UPRT: variants seen among roughly 807,000 people sequenced by gnomAD.
UPRT encodes RP11-311P8.3.
Under a neutral mutation model 22.6 loss-of-function variants are expected in UPRT, and 5 were observed. The observed-to-expected ratio is 0.22, with a 90% CI of 0.12 to 0.47. UPRT has a LOEUF of 0.47. Among genes scored for constraint, UPRT ranks in the 20% least tolerant of loss-of-function variants. The pLI is 0.99. For synonymous variants in UPRT, 77 were observed against 87.7 expected (o/e 0.88, Z 0.68); for missense variants, 181 against 239.9 (o/e 0.75, Z 1.62).
At chrX:75,300,812 C>A in intron 5 of UPRT, 55 bp from the exon 6 acceptor site, 2 of 986,357 alleles carry the variant, frequency 2.0e-6, no homozygotes, top group Non-Finnish European at 2.8e-6. Flanking sequence ...AGAAAAAAGA[C>A]ATTTAAAAAT....
At chrX:75,237,287 AG>A (rs2082469951) in intron 4 of UPRT, among the ~76,000 whole-genome samples, 1 of 112,031 alleles carries the variant, frequency 8.9e-6, no homozygotes. Flanking sequence ...ATCATTAAAA[AG>A]TCAGGAAACA....
At chrX:75,267,240 G>T (rs1204584292) in intron 4 of UPRT, among the ~76,000 whole-genome samples, 1 of 111,361 alleles carries the variant, frequency 9.0e-6, no homozygotes, top group African/African-American at 3.3e-5. Context: ...CATATTCTAT[G>T]CAGCCATAAA....
chrX:75,271,136 T>C (rs2082606872), upstream of UPRT, among the ~76,000 whole-genome samples: 1 of 111,748 alleles, frequency 8.9e-6, no homozygotes, highest in African/African-American at 3.2e-5. Context: ...AAAATACTAA[T>C]ATCATTCTTC....
chrX:75,194,524 A>T (rs1024840205), intron 4 of UPRT, among the ~76,000 whole-genome samples: 1 of 111,113 alleles, frequency 9.0e-6, no homozygotes, highest in Non-Finnish European at 1.9e-5. Context: ...GCCATCCTCC[A>T]TGAAGGTGTT....
chrX:75,236,975 G>A (rs1350932598), intron 4 of UPRT, among the ~76,000 whole-genome samples: 2 of 112,200 alleles, frequency 1.8e-5, no homozygotes, highest in Non-Finnish European at 3.8e-5. Context: ...AAGAGCTTCT[G>A]CACAGCAAAA....
At chrX:75,262,171 A>G (rs1480816973) in intron 4 of UPRT, among the ~76,000 whole-genome samples, 2 of 111,615 alleles carry the variant, frequency 1.8e-5, no homozygotes, top group South Asian at 3.7e-4. Flanking sequence ...AGAATTTCAT[A>G]TCCAGCCAAA....
At chrX:75,193,818 T>C (rs537311160) in intron 4 of UPRT, among the ~76,000 whole-genome samples, 4 of 111,728 alleles carry the variant, frequency 3.6e-5, no homozygotes, top group East Asian at 5.7e-4. Flanking sequence ...GTGAGGTTCT[T>C]TCTTATAATT....
chrX:75,173,641 A>G (rs1236051209), intron 4 of UPRT, among the ~76,000 whole-genome samples: 1 of 112,450 alleles, frequency 8.9e-6, no homozygotes, highest in Non-Finnish European at 1.9e-5. Flanking sequence ...GGTGCCATGG[A>G]GCAGGGGGAA....
At chrX:75,245,506 G>T (rs1602470937) in intron 4 of UPRT, among the ~76,000 whole-genome samples, 1 of 110,742 alleles carries the variant, frequency 9.0e-6, no homozygotes, top group South Asian at 3.8e-4. Context: ...GTTCACTGCA[G>T]CACTATTCAC....
chrX:75,297,891 G>A (rs897070323), intron 4 of UPRT: 8 of 195,893 alleles, frequency 4.1e-5, no homozygotes, highest in Non-Finnish European at 6.5e-5. Context: ...GTATAAATTC[G>A]GGCTTGGAGA....
intron 4 of UPRT, among the ~76,000 whole-genome samples, chrX:75,233,954 G>A (rs1247547688): frequency 4.5e-5 from 5 of 110,693 alleles, no homozygotes; most frequent in Non-Finnish European, 9.4e-5. Flanking sequence ...TTAAATGTAA[G>A]TGGACTAAAT....
At chrX:75,164,091 C>T (rs778900941) in intron 3 of UPRT, among the ~76,000 whole-genome samples, 8 of 111,187 alleles carry the variant, frequency 7.2e-5, no homozygotes, top group Admixed American at 2.9e-4. Flanking sequence ...GCAGGAGAAT[C>T]GCTTGAACTC....
intron 4 of UPRT, among the ~76,000 whole-genome samples, chrX:75,179,586 G>A (rs937448870): frequency 1.8e-5 from 2 of 113,173 alleles, no homozygotes; most frequent in African/African-American, 6.4e-5. Flanking sequence ...TCGTCGGGGA[G>A]GCTCGGGCCG....
intron 4 of UPRT, among the ~76,000 whole-genome samples, chrX:75,238,287 G>A (rs1460373199): frequency 9.0e-6 from 1 of 111,067 alleles, no homozygotes; most frequent in Non-Finnish European, 1.9e-5. Flanking sequence ...GGTAGAAAAA[G>A]ATATTCCATA....
Position 75,205,823 on chromosome X carries a change from A to G in UPRT, c.-447+37944A>G, listed in dbSNP as rs752380614. On this transcript the variant is annotated intron_variant, in intron 4 of 13. Coordinates refer to the UPRT transcript ENST00000652605. ...GAGTGAGGTGTAATGCCAGCCAAGTATCCTGTACATAAGGGGGAGCAGATA... is the reference window on the plus strand; with the variant it reads ...GAGTGAGGTGTAATGCCAGCCAAGTGTCCTGTACATAAGGGGGAGCAGATA... Among the ~76,000 whole-genome samples, 3 of 111,637 alleles carry G rather than the reference A, an allele frequency of 2.7e-5. No homozygotes were observed. The South Asian group carries it at 1.1e-3, about 43-fold the overall frequency.
intron 4 of UPRT, among the ~76,000 whole-genome samples, chrX:75,213,726 C>A (rs1180585996): frequency 5.4e-5 from 6 of 111,387 alleles, no homozygotes; most frequent in Admixed American, 1.9e-4. Flanking sequence ...AAAAAAGTAT[C>A]AGGATAAAGA....
intron 4 of UPRT, among the ~76,000 whole-genome samples, chrX:75,228,317 C>A (rs1245986307): frequency 9.0e-6 from 1 of 111,705 alleles, no homozygotes; most frequent in African/African-American, 3.3e-5. Context: ...TAGGGCAGAT[C>A]CCTCAGCCTA....
Position 75,252,863 on chromosome X carries a change from T to C in UPRT, c.-446-38161T>C, listed in dbSNP as rs909786186. Among the ~76,000 whole-genome samples the C allele has an allele frequency of 1.2e-4, 14 of 112,294 alleles. 1 individual carries two copies. The highest frequency in any genetic ancestry group is 9.4e-5 in the Non-Finnish European group (5 of 53,272). On this transcript the variant is annotated intron_variant, in intron 4 of 13. Transcript: ENST00000652605. ...TACACCATGGAATACTATGCAGCCA[T>C]AAAAAATGATGAGTTCATGTCCTTT...
At chrX:75,194,489 C>T (rs1013243073) in intron 4 of UPRT, among the ~76,000 whole-genome samples, 1 of 111,203 alleles carries the variant, frequency 9.0e-6, no homozygotes, top group Admixed American at 9.5e-5. Context: ...TCAGCTGTGT[C>T]AAGAGTCCTG....
Sources: gnomAD v4.1 joint callset for allele counts (sites outside exome capture counted in the v4.1 genomes callset) on GRCh38, gnomAD v4.1.1 for gene constraint, MANE v1.5 for transcripts, NCBI Gene and HGNC (gene_info 2026-07-23, HGNC 2026-07-21) for gene names.